Variants in AGBL5 observed in about 807,000 individuals in gnomAD.
AGBL5 encodes the protein cytosolic carboxypeptidase-like protein 5.
AGBL5 carries 51 observed loss-of-function variants against 88.0 expected under a neutral mutation model. The ratio of observed to expected loss-of-function variants is 0.58; its 90% CI spans 0.46 to 0.73. The LOEUF is 0.73. Among genes scored for constraint, AGBL5 ranks in the 30% least tolerant of loss-of-function variants. AGBL5 has a pLI of 0.00. For missense variants in AGBL5, 1,031 were observed against 1,162.2 expected, an observed-to-expected ratio of 0.89 and a Z score of 1.64; for synonymous variants, 446 against 438.8, an observed-to-expected ratio of 1.02 and a Z score of -0.21.
chr2:27,068,864 C>T, intron 13 of AGBL5, 120 bp downstream of exon 13: 1 of 1,510,536 alleles, frequency 6.6e-7, no homozygotes, highest in African/African-American at 1.4e-5. Context: ...TTGGCCACAT[C>T]AGAGAGCTTC....
rs757578071 is a variant in AGBL5, at chr2:27,070,257, G to A, written c.2655G>A (p.Arg885=). 15 of 1,614,034 alleles carry A rather than the reference G, an allele frequency of 9.3e-6. No individual in the cohort carries two copies. In the Admixed American group the frequency reaches 1.2e-4, roughly 13 times the overall value. The change falls in exon 15 of 15, where the codon CGG becomes CGA. Residue 885 remains arginine, a synonymous_variant. Transcript: ENST00000360131. ...PKSPPLTVSP[R]V is the part of the protein sequence containing the mutation. ...CTCCCCCACTGACTGTTTCTCCCCG[G>A]GTCTGATAATGCCTTTATGTTCAAG...
intron 11 of AGBL5, among the ~76,000 whole-genome samples, chr2:27,064,722 AT>A (rs753038634): frequency 0.01 from 818 of 80,420 alleles, 5 homozygotes; most frequent in Middle Eastern, 0.018. Flanking sequence ...TTTCCATTCA[AT>A]TTTTTTTTTT....
upstream of AGBL5, chr2:27,051,612 G>A (rs1479602263): frequency 4.6e-5 from 7 of 152,260 alleles, no homozygotes; most frequent in African/African-American, 1.7e-4. Context: ...AGCTTTACTG[G>A]GCGGGTCGCC....
chr2:27,052,905 T>TCC lies in AGBL5; in HGVS notation c.-46-4_-46-3dup, dbSNP rs1245398033. On this transcript the variant is annotated splice_polypyrimidine_tract_variant and splice_region_variant and intron_variant, in intron 1 of 14. Transcript: ENST00000360131. ...TTCCTCCTTAACCTAACCCTTGTTT[T>TCC]CCCCCAGCTCTCAGGGCCAGAGCGG... 29 of 1,468,062 alleles carry TCC rather than the reference T, an allele frequency of 2.0e-5. No homozygotes were observed. Among genetic ancestry groups the TCC allele is most frequent in the Non-Finnish European group, 2.6e-5 (28 of 1,095,762 alleles). 90.9% of individuals were successfully genotyped at this position (1,468,062 alleles called of 1,614,324 possible).
intron 11 of AGBL5, 148 bp downstream of exon 11, chr2:27,059,552 C>A: frequency 6.6e-7 from 1 of 1,508,008 alleles, no homozygotes; most frequent in Middle Eastern, 1.9e-4. Context: ...GCCTCTCCTA[C>A]GACCTTGGTG....
At position 27,058,568 on chromosome 2, in the gene AGBL5, A is replaced by G. The variant is rs772032880; in HGVS notation, c.1840A>G (p.Lys614Glu). ...SSTLNVGVNK[K>E]RGLRTPPKSH... ...CACTCTGAATGTGGGTGTCAACAAG[A>G]AGAGGGGCCTTCGAACTCCACCCAA... The change falls in exon 10 of 15, where the codon AAG becomes GAG. Residue 614 changes from lysine (K) to glutamate (E), a missense_variant. This residue lies in a region of AGBL5 where 491 missense variants were observed against 484.0 expected (regional missense o/e 1.01). Transcript: ENST00000360131. 2.5e-6 allele frequency: 4 copies of G among 1,614,144 alleles called. No homozygotes were observed. In the South Asian group the frequency reaches 4.4e-5, roughly 18 times the overall value.
chr2:27,052,879 T>C, intron 1 of AGBL5, 34 bp from the exon 2 acceptor site: 1 of 1,316,012 alleles, frequency 7.6e-7, no homozygotes. Flanking sequence ...TTGTCTTCCC[T>C]TTCCTCCTTA....
At chr2:27,062,157 CTTG>C (rs1444595001) in intron 11 of AGBL5, among the ~76,000 whole-genome samples, 4 of 122,596 alleles carry the variant, frequency 3.3e-5, no homozygotes, top group Non-Finnish European at 6.5e-5. Flanking sequence ...GAATTTCACT[CTTG>C]TTGCCCAGGC....
In AGBL5 at chr2:27,057,291, T is replaced by G. The variant is rs776566861; in HGVS notation, c.1536-12T>G. On this transcript the variant is annotated splice_polypyrimidine_tract_variant and intron_variant, in intron 8 of 14. Coordinates refer to ENST00000360131, the MANE Select transcript of AGBL5 (RefSeq NM_021831.6). ...TTCAGGCGGGACACTGATAAAGGTC[T>G]TTATGTCTTAGCTACACACTTGAAT... The G allele has an allele frequency of 6.2e-7, 1 of 1,609,204 alleles. No individual in the cohort carries two copies. The highest frequency in any genetic ancestry group is 1.7e-5 in the Admixed American group (1 of 59,564).
intron 11 of AGBL5, 114 bp from the exon 12 acceptor site, chr2:27,067,380 T>C: frequency 1.9e-6 from 2 of 1,030,258 alleles, no homozygotes; most frequent in Non-Finnish European, 2.9e-6. Flanking sequence ...GTGGGTCTGA[T>C]GACAAGCTTG....
At chr2:27,067,747 T>A in intron 12 of AGBL5, 101 bp downstream of exon 12, 12 of 1,361,266 alleles carry the variant, frequency 8.8e-6, no homozygotes, top group Non-Finnish European at 1.3e-5. Flanking sequence ...TCACTTATCC[T>A]CTTGGTATCC....
rs201152933 is a variant in AGBL5 at position 27,055,888 on chromosome 2, A to T, written c.1115A>T (p.Gln372Leu). The change falls in exon 7 of 15, where the codon CAA becomes CTA. Residue 372 changes from glutamine (Q) to leucine (L), a missense_variant. Gln to Leu is a moderately radical substitution (Grantham distance 113, BLOSUM62 -2). Around this residue, in one of 2 missense-constraint regions of AGBL5, gnomAD observed 540 missense variants for 678.2 expected, o/e 0.80. Coordinates refer to ENST00000360131, the MANE Select transcript of AGBL5 (RefSeq NM_021831.6). The stretch of plus-strand genomic sequence containing the variant: ...GACCTGGAGAAAGCCAACAATCTCC[A>T]AAATGAAGCTCAGTGTGGGCACTCA... ...VSDLEKANNLQNEAQCGHSAD... is the reference protein window; with the variant it reads ...VSDLEKANNLLNEAQCGHSAD... The T allele has an allele frequency of 6.2e-7, 1 of 1,614,222 alleles. No individual in the cohort carries two copies.
intron 1 of AGBL5, 122 bp from the exon 2 acceptor site, chr2:27,052,791 G>A (rs1329109785): frequency 3.8e-6 from 2 of 529,378 alleles, no homozygotes; most frequent in Non-Finnish European, 6.3e-6. Context: ...TTCTAAGAGG[G>A]AGACAGCCTT....
Position 27,054,810 on chromosome 2 carries a change from G to A in AGBL5, c.729+3G>A, listed in dbSNP as rs113965310. 2 of 1,611,214 alleles carry A rather than the reference G, an allele frequency of 1.2e-6. No homozygotes were observed. Among genetic ancestry groups the A allele is most frequent in the Non-Finnish European group, 8.5e-7 (1 of 1,179,216 alleles). ...CATTCCGTTTCGCAGGCAAGAGGGT[G>A]AGTGGAAATAGCATAAAGGTAGTTC... On this transcript the variant is annotated splice_donor_region_variant and intron_variant, in intron 5 of 14. Transcript: ENST00000360131.
intron 6 of AGBL5, 162 bp downstream of exon 6, chr2:27,055,415 T>A: frequency 9.4e-7 from 1 of 1,061,416 alleles, no homozygotes; most frequent in Non-Finnish European, 1.3e-6. Context: ...AGATCATATC[T>A]AGTGGCACTC....
At chr2:27,055,036 G>C (rs1385849175) in intron 5 of AGBL5, 39 bp from the exon 6 acceptor site, 2 of 1,596,606 alleles carry the variant, frequency 1.3e-6, no homozygotes, top group Admixed American at 3.3e-5. Flanking sequence ...TAGAACTACA[G>C]GGTAACTGAC....
In AGBL5 at chr2:27,063,700, C is replaced by T. The variant is rs904460715; in HGVS notation, c.2090-3794C>T. On this transcript the variant is annotated intron_variant, in intron 11 of 14. Coordinates refer to ENST00000360131, the MANE Select transcript of AGBL5 (RefSeq NM_021831.6). ...TCACTAAGATCTGGAGTGCTAGGGACGGTTCCAAAGACGTTCAGGGAGGAT... is the reference window on the plus strand; with the variant it reads ...TCACTAAGATCTGGAGTGCTAGGGATGGTTCCAAAGACGTTCAGGGAGGAT... Among the ~76,000 whole-genome samples, 11 of 152,220 alleles carry T rather than the reference C, an allele frequency of 7.2e-5. No individual in the cohort carries two copies. The South Asian group carries it at 1.9e-3, about 26-fold the overall frequency.
intron 12 of AGBL5, among the ~76,000 whole-genome samples, chr2:27,068,198 T>A (rs1053788923): frequency 6.6e-6 from 1 of 152,218 alleles, no homozygotes; most frequent in East Asian, 1.9e-4. Flanking sequence ...CCTCAATGGG[T>A]AGCACTGAAC....
chr2:27,051,230 T>G (rs1175427885), upstream of AGBL5, among the ~76,000 whole-genome samples: 1 of 152,170 alleles, frequency 6.6e-6, no homozygotes, highest in African/African-American at 2.4e-5. Context: ...TTAGCTCAAA[T>G]GGTAGAGCGC....
Sources: gnomAD v4.1 joint callset for allele counts (sites outside exome capture counted in the v4.1 genomes callset) on GRCh38, gnomAD v4.1.1 for gene constraint, gnomAD v4.1.1 regional missense constraint, MANE v1.5 for transcripts, NCBI Gene and HGNC (gene_info 2026-07-23, HGNC 2026-07-21) for gene names.